The following TANC2 variants were observed in gnomAD, a reference collection of about 807,000 sequenced individuals.
The protein encoded by TANC2 is tetratricopeptide repeat, ankyrin repeat and coiled-coil containing 2, also known as protein TANC2.
Under a neutral mutation model 210.5 loss-of-function variants are expected in TANC2, and 26 were observed. That is an observed-to-expected ratio of 0.12 (90% confidence interval 0.09 to 0.17). The LOEUF (loss-of-function observed/expected upper bound fraction) is 0.17, where lower values mean the gene tolerates loss of function less well. TANC2 is among the 10% of genes least tolerant of loss of function. The probability of loss-of-function intolerance (pLI) is 1.00; values close to 1 mark genes in which losing one functional copy is unlikely to be tolerated. For missense variants in TANC2, 2,129 were observed against 2,608.9 expected, an observed-to-expected ratio of 0.82 and a Z score of 4.01; for synonymous variants, 931 against 967.1, an observed-to-expected ratio of 0.96 and a Z score of 0.69.
intron 8 of TANC2, among the ~76,000 whole-genome samples, chr17:63,255,061 T>G (rs1160620721): frequency 2.5e-5 from 1 of 39,998 alleles, no homozygotes; most frequent in Non-Finnish European, 6.9e-5. Flanking sequence ...TAGTTATTTT[T>G]TATTTATTTA....
At chr17:63,093,574 C>A (rs1174787430) in intron 3 of TANC2, among the ~76,000 whole-genome samples, 1 of 151,962 alleles carries the variant, frequency 6.6e-6, no homozygotes, top group Non-Finnish European at 1.5e-5. Context: ...TTTGTTTGTT[C>A]AAAATTGTTG....
At chr17:63,360,930 G>A (rs530642111) in intron 14 of TANC2, among the ~76,000 whole-genome samples, 1 of 152,240 alleles carries the variant, frequency 6.6e-6, no homozygotes, top group African/African-American at 2.4e-5. Flanking sequence ...TTCACTTAAC[G>A]TAATGACCTC....
intron 5 of TANC2, among the ~76,000 whole-genome samples, chr17:63,157,715 A>G (rs1008912979): frequency 2.6e-5 from 4 of 152,096 alleles, no homozygotes; most frequent in Non-Finnish European, 4.4e-5. Context: ...ATAAACATAC[A>G]TAAATACATA....
chr17:63,149,346 G>A (rs2039569033), intron 4 of TANC2: 1 of 151,764 alleles, frequency 6.6e-6, no homozygotes. Flanking sequence ...CATAATTCTT[G>A]TACACGCCTC....
intron 14 of TANC2, among the ~76,000 whole-genome samples, chr17:63,356,523 G>A (rs561429272): frequency 6.6e-5 from 10 of 152,162 alleles, no homozygotes; most frequent in Non-Finnish European, 1.2e-4. Context: ...AGAGACAACT[G>A]TACTGTGGGC....
chr17:63,062,067 T>C (rs1380876401), intron 2 of TANC2, among the ~76,000 whole-genome samples: 1 of 152,204 alleles, frequency 6.6e-6, no homozygotes, highest in Non-Finnish European at 1.5e-5. Context: ...AATTGTATAT[T>C]ACAGCTTTAA....
intron 9 of TANC2, among the ~76,000 whole-genome samples, chr17:63,273,673 A>T (rs150897500): frequency 3.5e-4 from 54 of 152,190 alleles, no homozygotes; most frequent in African/African-American, 1.2e-3. Flanking sequence ...TGTTGGCTCT[A>T]CACCTCCAAA....
At chr17:63,182,527 C>A in intron 5 of TANC2, 1 of 245,310 alleles carries the variant, frequency 4.1e-6, no homozygotes, top group South Asian at 6.3e-5. Flanking sequence ...TATGAAAACT[C>A]ATTTGAGGAC....
intron 1 of TANC2, among the ~76,000 whole-genome samples, chr17:62,986,347 G>A (rs1000502427): frequency 6.6e-5 from 10 of 152,138 alleles, no homozygotes; most frequent in Admixed American, 5.2e-4. Context: ...CCTGGGACGT[G>A]CCTGCCAGGA....
intron 10 of TANC2, among the ~76,000 whole-genome samples, chr17:63,316,180 T>C (rs186442709): frequency 1.7e-4 from 26 of 152,372 alleles, no homozygotes; most frequent in Admixed American, 1.4e-3. Flanking sequence ...TAAAAGTAAC[T>C]TTCCACACTA....
intron 15 of TANC2, among the ~76,000 whole-genome samples, chr17:63,384,159 TC>T (rs1454003552): frequency 6.6e-6 from 1 of 152,064 alleles, no homozygotes; most frequent in South Asian, 2.1e-4. Flanking sequence ...AGCCTTGAAC[TC>T]CTGGGCTCAA....
chr17:63,102,448 ATTG>A (rs1424463799), intron 4 of TANC2, among the ~76,000 whole-genome samples: 1 of 148,694 alleles, frequency 6.7e-6, no homozygotes, highest in Non-Finnish European at 1.5e-5. Context: ...TTCTCTCTCT[ATTG>A]TTTTTTCCTT....
chr17:63,000,012 A>G (rs1170890115), intron 1 of TANC2, among the ~76,000 whole-genome samples: 1 of 152,210 alleles, frequency 6.6e-6, no homozygotes, highest in African/African-American at 2.4e-5. Flanking sequence ...ATGTTCTGAC[A>G]AGTGGGAGCT....
chr17:63,387,248 G>A (rs1164154330), intron 15 of TANC2, among the ~76,000 whole-genome samples: 1 of 152,098 alleles, frequency 6.6e-6, no homozygotes, highest in Non-Finnish European at 1.5e-5. Flanking sequence ...TGTCGGAAAA[G>A]CCTTTAAAAC....
chr17:63,261,197 TTG>T (rs2043345444), intron 8 of TANC2, among the ~76,000 whole-genome samples: 1 of 152,168 alleles, frequency 6.6e-6, no homozygotes, highest in African/African-American at 2.4e-5. Flanking sequence ...TGGGCTGTGA[TTG>T]TGCCACTGTA....
At chr17:63,091,893 A>G (rs1202294601) in intron 3 of TANC2, among the ~76,000 whole-genome samples, 4 of 152,116 alleles carry the variant, frequency 2.6e-5, no homozygotes, top group Admixed American at 6.5e-5. Context: ...TTCGTTGAGC[A>G]GTGGTTTGTA....
intron 2 of TANC2, among the ~76,000 whole-genome samples, chr17:63,025,821 T>TTAAAA (rs71357046): frequency 0.28 from 39,002 of 141,220 alleles, 6,116 homozygotes; most frequent in Non-Finnish European, 0.35. Flanking sequence ...TAAAATTAAA[T>TTAAAA]TAAAATAAAA....
intron 21 of TANC2, among the ~76,000 whole-genome samples, chr17:63,410,777 T>A (rs1409168820): frequency 6.9e-6 from 1 of 145,798 alleles, no homozygotes; most frequent in Non-Finnish European, 1.5e-5. Flanking sequence ...AGGAGAATTG[T>A]CTGAACCCGG....
chr17:63,262,754 G>A (rs762570416), intron 8 of TANC2, among the ~76,000 whole-genome samples: 7 of 151,872 alleles, frequency 4.6e-5, no homozygotes, highest in Non-Finnish European at 1.0e-4. Context: ...GCCACCCCCT[G>A]CATCTTGGCC....
Sources: allele counts gnomAD v4.1 joint callset (sites outside exome capture counted in the v4.1 genomes callset), GRCh38; gene constraint gnomAD v4.1.1; transcripts MANE v1.5; gene names NCBI Gene and HGNC (gene_info 2026-07-23, HGNC 2026-07-21).